HTR1F: variants seen among roughly 807,000 people sequenced by gnomAD.
HTR1F encodes 5-hydroxytryptamine receptor 1F, also known as 5-hydroxytryptamine (serotonin) receptor 1F, G protein-coupled.
A neutral mutation model predicts 24.0 loss-of-function variants in HTR1F; 17 were observed. The ratio of observed to expected loss-of-function variants is 0.71; its 90% CI spans 0.48 to 1.06. The LOEUF is 1.06. Ranked by LOEUF, HTR1F falls within the 50% of genes least tolerant of loss-of-function variation. The pLI, the probability that HTR1F is intolerant of heterozygous loss-of-function variation, is 0.00. For missense variants in HTR1F, 391 were observed against 427.8 expected (o/e 0.91, Z 0.76); for synonymous variants, 186 against 156.8 (o/e 1.19, Z -1.39).
chr3:87,874,635 A>AG (rs986749745), intron 2 of HTR1F, among the ~76,000 whole-genome samples: 7 of 82,034 alleles, frequency 8.5e-5, no homozygotes, highest in African/African-American at 6.1e-4. Context: ...CAAAAATAGA[A>AG]AAAAAAAAAA....
At chr3:87,802,397 ATAG>A (rs1447283107) in intron 1 of HTR1F, among the ~76,000 whole-genome samples, 1 of 148,070 alleles carries the variant, frequency 6.8e-6, no homozygotes, top group Non-Finnish European at 1.5e-5. Flanking sequence ...CTAGAGTGCA[ATAG>A]TAGGATGATC....
intron 1 of HTR1F, among the ~76,000 whole-genome samples, chr3:87,796,388 G>A (rs535018286): frequency 2.6e-4 from 40 of 152,166 alleles, no homozygotes; most frequent in African/African-American, 9.2e-4. Flanking sequence ...CAGGCATAAC[G>A]GGTAGATGGG....
At chr3:87,973,999 C>G (rs1705340798) in intron 2 of HTR1F, among the ~76,000 whole-genome samples, 1 of 152,186 alleles carries the variant, frequency 6.6e-6, no homozygotes, top group Admixed American at 6.5e-5. Flanking sequence ...ATGACCAGCA[C>G]CCAGAGACAA....
chr3:87,873,091 TACATACACAC>T (rs1705593231), intron 2 of HTR1F, among the ~76,000 whole-genome samples: 1 of 132,000 alleles, frequency 7.6e-6, no homozygotes, highest in Non-Finnish European at 1.6e-5. Context: ...CATACATGCA[TACATACACAC>T]ACACACACAC....
chr3:87,921,618 A>G (rs943858403), intron 2 of HTR1F, among the ~76,000 whole-genome samples: 11 of 151,902 alleles, frequency 7.2e-5, no homozygotes, highest in African/African-American at 2.7e-4. Context: ...TTAAAACTAT[A>G]TAATAAGTAA....
At chr3:87,952,265 A>C (rs1265707813) in intron 2 of HTR1F, among the ~76,000 whole-genome samples, 2 of 152,084 alleles carry the variant, frequency 1.3e-5, no homozygotes, top group Non-Finnish European at 2.9e-5. Flanking sequence ...ATTTTTTAAC[A>C]ACAGCAATAA....
At chr3:87,964,169 T>A (rs1705117544) in intron 2 of HTR1F, among the ~76,000 whole-genome samples, 1 of 152,138 alleles carries the variant, frequency 6.6e-6, no homozygotes, top group Admixed American at 6.6e-5. Context: ...CACTTAAGGA[T>A]TTGGATTAAC....
intron 2 of HTR1F, among the ~76,000 whole-genome samples, chr3:87,944,801 C>T (rs951161380): frequency 1.3e-5 from 2 of 152,168 alleles, no homozygotes; most frequent in Non-Finnish European, 2.9e-5. Flanking sequence ...GTTGCCACTA[C>T]AGATTCAATG....
At chr3:87,895,041 G>T (rs1706169045) in intron 2 of HTR1F, among the ~76,000 whole-genome samples, 1 of 152,058 alleles carries the variant, frequency 6.6e-6, no homozygotes, top group African/African-American at 2.4e-5. Context: ...GATTAAAGGG[G>T]GTTAACCAGT....
chr3:87,969,831 G>T (rs1023523209), intron 2 of HTR1F, among the ~76,000 whole-genome samples: 31 of 152,194 alleles, frequency 2.0e-4, no homozygotes, highest in African/African-American at 7.5e-4. Context: ...TATTTCCCAC[G>T]TGTTGTGGGA....
chr3:87,985,966 G>A (rs1163505462), intron 2 of HTR1F, among the ~76,000 whole-genome samples: 1 of 152,196 alleles, frequency 6.6e-6, no homozygotes, highest in Non-Finnish European at 1.5e-5. Context: ...ACCTGGGGAA[G>A]TTTTCTTTCT....
At position 87,914,846 on chromosome 3, in the gene HTR1F, A is replaced by C. The variant is rs370349643; in HGVS notation, c.-42-75862A>C. 3.3e-5 allele frequency among the ~76,000 whole-genome samples: 5 copies of C among 151,992 alleles called. No homozygotes were observed. In the East Asian group the frequency reaches 9.7e-4, roughly 29 times the overall value. ...TTTCCTCCCCATACTACCACAGCTG[A>C]TGCTCTCTGGAAAGCACCACCCCCT... On this transcript the variant is annotated intron_variant, in intron 2 of 2. Coordinates refer to ENST00000319595, the MANE Select transcript of HTR1F (RefSeq NM_001322209.2).
intron 2 of HTR1F, among the ~76,000 whole-genome samples, chr3:87,915,096 G>C (rs950201667): frequency 6.6e-6 from 1 of 152,246 alleles, no homozygotes; most frequent in East Asian, 1.9e-4. Context: ...ATCCAGAAGA[G>C]AGACAACAAT....
At chr3:87,909,223 A>T (rs1467790202) in intron 2 of HTR1F, among the ~76,000 whole-genome samples, 1 of 152,012 alleles carries the variant, frequency 6.6e-6, no homozygotes, top group Admixed American at 6.6e-5. Context: ...ATGGAAAAGA[A>T]TCCCCGGTCA....
chr3:87,912,188 C>T (rs573146695), intron 2 of HTR1F, among the ~76,000 whole-genome samples: 2 of 151,732 alleles, frequency 1.3e-5, no homozygotes, highest in South Asian at 4.2e-4. Context: ...CACAAAAGCT[C>T]CTTAAGATAA....
chr3:87,892,556 G>A (rs1216636634), intron 2 of HTR1F, among the ~76,000 whole-genome samples: 2 of 151,994 alleles, frequency 1.3e-5, no homozygotes, highest in African/African-American at 4.8e-5. Context: ...TTGAACAAGG[G>A]GATAAAATCA....
At chr3:87,805,193 G>A (rs1255732527) in intron 1 of HTR1F, among the ~76,000 whole-genome samples, 1 of 151,318 alleles carries the variant, frequency 6.6e-6, no homozygotes, top group African/African-American at 2.4e-5. Context: ...TTAACAACTT[G>A]TAGAGCAAGG....
chr3:87,801,966 G>C (rs183319043), intron 1 of HTR1F, among the ~76,000 whole-genome samples: 1 of 151,570 alleles, frequency 6.6e-6, no homozygotes, highest in Non-Finnish European at 1.5e-5. Flanking sequence ...AATATATAAA[G>C]CATGGCTTTG....
intron 1 of HTR1F, among the ~76,000 whole-genome samples, chr3:87,811,467 A>G (rs1704159781): frequency 6.6e-6 from 1 of 152,236 alleles, no homozygotes; most frequent in Non-Finnish European, 1.5e-5. Flanking sequence ...AAAGGATATG[A>G]CAATGATTTC....
Sources: gnomAD v4.1 joint callset for allele counts (sites outside exome capture counted in the v4.1 genomes callset) on GRCh38, gnomAD v4.1.1 for gene constraint, MANE v1.5 for transcripts, NCBI Gene and HGNC (gene_info 2026-07-23, HGNC 2026-07-21) for gene names.